ZFPM2: variants seen among roughly 807,000 people sequenced by gnomAD.
ZFPM2 encodes the protein zinc finger protein ZFPM2.
Under a neutral mutation model 98.6 loss-of-function variants are expected in ZFPM2, and 20 were observed. The ratio of observed to expected loss-of-function variants is 0.20; its 90% confidence interval spans 0.14 to 0.29. The LOEUF (loss-of-function observed/expected upper bound fraction) is 0.29, where lower values mean the gene tolerates loss of function less well. ZFPM2 is among the 10% of genes least tolerant of loss of function. The pLI is 1.00. For missense variants in ZFPM2, 1,310 were observed against 1,388.6 expected, an observed-to-expected ratio of 0.94 and a Z score of 0.90; for synonymous variants, 518 against 502.7, an observed-to-expected ratio of 1.03 and a Z score of -0.41.
intron 5 of ZFPM2, among the ~76,000 whole-genome samples, chr8:105,685,464 C>T (rs1403984709): frequency 6.6e-6 from 1 of 151,958 alleles, no homozygotes; most frequent in African/African-American, 2.4e-5. Flanking sequence ...GTCTGCTTAC[C>T]TACGTTGCAT....
chr8:105,802,966 T>C lies in ZFPM2; in HGVS notation c.2884T>C (p.Phe962Leu). Residue 962 changes from phenylalanine (F) to leucine (L), a missense_variant, in exon 8 of 8, where the codon TTT becomes CTT. Physicochemically the swap from Phe to Leu is conservative, Grantham distance 22 (BLOSUM62 0). Transcript: ENST00000407775. ...TACAAAAGAAGAAAACAGACATTTG[T>C]TTCTTCCACAATGCCTTTACCCTGG... The part of the protein sequence containing the change: ...IATKEENRHL[F>L]LPQCLYPGAI... 1 of 1,612,792 alleles carries C rather than the reference T, an allele frequency of 6.2e-7. No individual in the cohort carries two copies. Among genetic ancestry groups the C allele is most frequent in the South Asian group, 1.1e-5 (1 of 90,900 alleles).
intron 3 of ZFPM2, among the ~76,000 whole-genome samples, chr8:105,487,227 C>T (rs530188916): frequency 1.3e-5 from 2 of 152,252 alleles, no homozygotes; most frequent in Admixed American, 6.5e-5. Context: ...ATCCTCCCAC[C>T]GCAGCCTCCT....
At chr8:105,563,021 A>G (rs1815172169) in intron 4 of ZFPM2, among the ~76,000 whole-genome samples, 1 of 152,188 alleles carries the variant, frequency 6.6e-6, no homozygotes, top group Admixed American at 6.5e-5. Context: ...AGGATCCAGA[A>G]ATTTTATAAG....
chr8:105,466,836 G>T (rs1003166632), intron 3 of ZFPM2, among the ~76,000 whole-genome samples: 1 of 151,634 alleles, frequency 6.6e-6, no homozygotes, highest in African/African-American at 2.4e-5. Context: ...CATGGCTATT[G>T]ATGAGTTCAG....
At chr8:105,601,542 C>A (rs976692320) in intron 4 of ZFPM2, among the ~76,000 whole-genome samples, 3 of 152,094 alleles carry the variant, frequency 2.0e-5, no homozygotes, top group African/African-American at 7.2e-5. Context: ...CTCTTCAATT[C>A]TAAATTATAG....
chr8:105,588,041 G>A (rs1312253097), intron 4 of ZFPM2, among the ~76,000 whole-genome samples: 2 of 152,140 alleles, frequency 1.3e-5, no homozygotes, highest in Non-Finnish European at 1.5e-5. Flanking sequence ...TGTTTTTTAA[G>A]CTATATTTAG....
At chr8:105,522,371 A>G (rs7836585) in intron 3 of ZFPM2, among the ~76,000 whole-genome samples, 60,657 of 152,198 alleles carry the variant, frequency 0.4, 14,867 homozygotes, top group African/African-American at 0.7. Flanking sequence ...ATTAAATGCT[A>G]TTTTCTACTT....
intron 1 of ZFPM2, among the ~76,000 whole-genome samples, chr8:105,378,624 A>G (rs1306627821): frequency 6.6e-6 from 1 of 152,206 alleles, no homozygotes; most frequent in East Asian, 1.9e-4. Flanking sequence ...AGGCTAGATT[A>G]TGTGAGTATA....
intron 2 of ZFPM2, 131 bp downstream of exon 2, chr8:105,419,433 T>TTTTTTTTTTTTTTTG: frequency 2.6e-6 from 3 of 1,140,022 alleles, no homozygotes; most frequent in Non-Finnish European, 3.7e-6. Flanking sequence ...CAGATTTTTT[T>TTTTTTTTTTTTTTTG]AAACATAAAA....
At chr8:105,741,388 G>A (rs1812212119) in intron 5 of ZFPM2, among the ~76,000 whole-genome samples, 1 of 152,062 alleles carries the variant, frequency 6.6e-6, no homozygotes, top group African/African-American at 2.4e-5. Context: ...ATGAGAGCTG[G>A]GAGGTTTTTA....
intron 1 of ZFPM2, among the ~76,000 whole-genome samples, chr8:105,366,498 A>T (rs111419512): frequency 2.3e-3 from 15 of 6,414 alleles, no homozygotes; most frequent in Admixed American, 5.4e-3. Flanking sequence ...TCTTTTTTTT[A>T]ATTTTTTTCA....
At chr8:105,718,235 T>A (rs1396395775) in intron 5 of ZFPM2, among the ~76,000 whole-genome samples, 1 of 151,878 alleles carries the variant, frequency 6.6e-6, no homozygotes, top group East Asian at 1.9e-4. Flanking sequence ...GGCTCTTATA[T>A]CAAATGGGGA....
intron 1 of ZFPM2, among the ~76,000 whole-genome samples, chr8:105,395,487 AC>A (rs902632079): frequency 2.4e-4 from 36 of 152,242 alleles, no homozygotes; most frequent in African/African-American, 7.5e-4. Context: ...CTTACACACC[AC>A]CTGAATCTGA....
rs574137871 is a variant in ZFPM2, at chr8:105,748,571, A to G, written c.533-40147A>G. Among the ~76,000 whole-genome samples, 3 of 152,138 alleles carry G rather than the reference A, an allele frequency of 2.0e-5. No homozygotes were observed. The South Asian group carries it at 6.2e-4, about 32-fold the overall frequency. On this transcript the variant is annotated intron_variant, in intron 5 of 7. Coordinates refer to ENST00000407775, the MANE Select transcript of ZFPM2 (RefSeq NM_012082.4). ...CAGACAAAATATTGAGGGTCGTTTG[A>G]AAGGTACATTGATGATTTGCTTTTG...
chr8:105,765,013 A>G (rs994899888), intron 5 of ZFPM2, among the ~76,000 whole-genome samples: 13 of 151,864 alleles, frequency 8.6e-5, no homozygotes, highest in African/African-American at 3.1e-4. Context: ...GTTTCATTTA[A>G]GAGCAAAATT....
chr8:105,602,288 A>G (rs1340563877), intron 4 of ZFPM2, among the ~76,000 whole-genome samples: 2 of 152,102 alleles, frequency 1.3e-5, no homozygotes, highest in African/African-American at 4.8e-5. Flanking sequence ...AGAATATGAA[A>G]GCCTCATGAA....
intron 3 of ZFPM2, among the ~76,000 whole-genome samples, chr8:105,560,169 CAAA>C (rs34623592): frequency 4.4e-5 from 3 of 67,604 alleles, no homozygotes; most frequent in Non-Finnish European, 2.9e-5. Context: ...AACTCTGTCT[CAAA>C]AAAAAAAAAA....
intron 3 of ZFPM2, among the ~76,000 whole-genome samples, chr8:105,459,923 A>G (rs972194199): frequency 6.6e-6 from 1 of 152,120 alleles, no homozygotes; most frequent in African/African-American, 2.4e-5. Flanking sequence ...CAACAAGGGA[A>G]GATTTCTGGA....
intron 3 of ZFPM2, among the ~76,000 whole-genome samples, chr8:105,449,108 A>G (rs1315351704): frequency 6.6e-6 from 1 of 152,048 alleles, no homozygotes; most frequent in Non-Finnish European, 1.5e-5. Flanking sequence ...AACTTTCAGT[A>G]TGCTAATTCT....
Sources: allele counts gnomAD v4.1 joint callset (sites outside exome capture counted in the v4.1 genomes callset), GRCh38; gene constraint gnomAD v4.1.1; transcripts MANE v1.5; gene names NCBI Gene and HGNC (gene_info 2026-07-23, HGNC 2026-07-21).